The following CTNNA2 variants were observed in gnomAD, a reference collection of about 807,000 sequenced individuals.
CTNNA2 encodes the protein catenin alpha-2.
CTNNA2 carries 42 observed loss-of-function variants against 101.0 expected under a neutral mutation model. The observed-to-expected ratio is 0.42, with a 90% CI of 0.32 to 0.54. CTNNA2 has a LOEUF of 0.54. Ranked by LOEUF, CTNNA2 falls within the 20% of genes least tolerant of loss-of-function variation. The probability of loss-of-function intolerance (pLI) is 0.14; values close to 1 mark genes in which losing one functional copy is unlikely to be tolerated. For synonymous variants in CTNNA2, 450 were observed against 456.4 expected, an observed-to-expected ratio of 0.99 and a Z score of 0.18; for missense variants, 871 against 1,223.1, an observed-to-expected ratio of 0.71 and a Z score of 4.29.
intron 7 of CTNNA2, among the ~76,000 whole-genome samples, chr2:80,081,439 C>T (rs996416973): frequency 4.6e-5 from 7 of 151,968 alleles, no homozygotes; most frequent in South Asian, 2.1e-4. Context: ...AATCTATAAA[C>T]GCTGGGGTGG....
intron 4 of CTNNA2, among the ~76,000 whole-genome samples, chr2:79,442,429 CTA>C (rs1244424276): frequency 6.6e-6 from 1 of 152,134 alleles, no homozygotes; most frequent in African/African-American, 2.4e-5. Context: ...TGAAAGCTCC[CTA>C]TGTTTCTTTG....
intron 2 of CTNNA2, among the ~76,000 whole-genome samples, chr2:79,305,361 C>CAT (rs1210721281): frequency 1.3e-3 from 176 of 134,006 alleles, no homozygotes; most frequent in Non-Finnish European, 2.1e-3. Context: ...TACATATATA[C>CAT]ATATATATAC....
intron 2 of CTNNA2, among the ~76,000 whole-genome samples, chr2:79,720,761 T>G (rs1422988914): frequency 1.3e-5 from 2 of 152,124 alleles, no homozygotes; most frequent in Admixed American, 6.6e-5. Flanking sequence ...TGTTTATCAG[T>G]TCTAATAGCT....
chr2:80,539,325 TTG>T (rs1691328503), intron 9 of CTNNA2, among the ~76,000 whole-genome samples: 9 of 36,686 alleles, frequency 2.5e-4, no homozygotes, highest in South Asian at 1.3e-3. Flanking sequence ...TTTTTTTTTG[TTG>T]TTGTTGTTGT....
chr2:79,276,300 T>C (rs1255228037), intron 2 of CTNNA2, among the ~76,000 whole-genome samples: 1 of 152,096 alleles, frequency 6.6e-6, no homozygotes, highest in East Asian at 1.9e-4. Context: ...CCTTAGTCTG[T>C]TTGAGCTATC....
At chr2:80,538,318 G>T (rs956077876) in intron 9 of CTNNA2, among the ~76,000 whole-genome samples, 11 of 152,098 alleles carry the variant, frequency 7.2e-5, no homozygotes, top group Admixed American at 2.0e-4. Flanking sequence ...GTCCTGAATG[G>T]TATTGCCTAG....
intron 7 of CTNNA2, among the ~76,000 whole-genome samples, chr2:80,209,425 A>C (rs1707750210): frequency 6.6e-6 from 1 of 152,036 alleles, no homozygotes; most frequent in South Asian, 2.1e-4. Context: ...TCCTGACCTC[A>C]GGTGATCCGC....
chr2:79,919,420 C>A (rs897390864), intron 7 of CTNNA2, among the ~76,000 whole-genome samples: 1 of 152,218 alleles, frequency 6.6e-6, no homozygotes, highest in Non-Finnish European at 1.5e-5. Flanking sequence ...AAACTCCTTA[C>A]TGAGCCCTTG....
upstream of CTNNA2, among the ~76,000 whole-genome samples, chr2:79,510,898 A>G (rs1030509498): frequency 6.6e-6 from 1 of 151,742 alleles, no homozygotes; most frequent in Non-Finnish European, 1.5e-5. Context: ...CTTGGTTTAC[A>G]TTATTTTTCT....
intron 7 of CTNNA2, among the ~76,000 whole-genome samples, chr2:80,121,266 C>T (rs1364148885): frequency 6.6e-6 from 1 of 152,150 alleles, no homozygotes; most frequent in Non-Finnish European, 1.5e-5. Context: ...TTCAGCTCTA[C>T]CACTTATTAG....
At chr2:80,318,174 C>T (rs904896794) in intron 7 of CTNNA2, among the ~76,000 whole-genome samples, 1 of 152,122 alleles carries the variant, frequency 6.6e-6, no homozygotes, top group East Asian at 1.9e-4. Context: ...AGATAATAGT[C>T]TTTTCTTTGA....
intron 7 of CTNNA2, among the ~76,000 whole-genome samples, chr2:80,178,802 T>C (rs1705566415): frequency 6.6e-6 from 1 of 152,222 alleles, no homozygotes; most frequent in South Asian, 2.1e-4. Flanking sequence ...AGGAATATCT[T>C]GATAGGCCCC....
At chr2:79,819,810 T>A (rs1255464354) in intron 3 of CTNNA2, among the ~76,000 whole-genome samples, 2 of 152,140 alleles carry the variant, frequency 1.3e-5, no homozygotes, top group African/African-American at 4.8e-5. Flanking sequence ...AATTAGAATG[T>A]TCCTAACACA....
intron 4 of CTNNA2, among the ~76,000 whole-genome samples, chr2:79,381,074 T>A (rs574631939): frequency 6.6e-6 from 1 of 152,208 alleles, no homozygotes; most frequent in African/African-American, 2.4e-5. Context: ...AGATTGGTTA[T>A]GTCAATTAAT....
At chr2:79,413,323 C>G (rs1442768903) in intron 4 of CTNNA2, among the ~76,000 whole-genome samples, 1 of 151,926 alleles carries the variant, frequency 6.6e-6, no homozygotes, top group Non-Finnish European at 1.5e-5. Context: ...CTTTTTGTGC[C>G]TGTCTTATTT....
At chr2:80,110,770 T>C (rs1466180428) in intron 7 of CTNNA2, among the ~76,000 whole-genome samples, 3 of 152,176 alleles carry the variant, frequency 2.0e-5, no homozygotes, top group African/African-American at 7.2e-5. Flanking sequence ...GGAAGGTTGA[T>C]TGGAACTTGG....
chr2:79,661,598 G>A (rs1682041285), intron 2 of CTNNA2, among the ~76,000 whole-genome samples: 1 of 152,148 alleles, frequency 6.6e-6, no homozygotes, highest in African/African-American at 2.4e-5. Context: ...CACCCATAGG[G>A]GTGATCTAAG....
chr2:79,861,753 G>T (rs1681639937), intron 4 of CTNNA2, among the ~76,000 whole-genome samples: 1 of 152,192 alleles, frequency 6.6e-6, no homozygotes, highest in South Asian at 2.1e-4. Context: ...CAGGAGGATA[G>T]AGATAGAACA....
At chr2:80,641,855 C>T (rs893525393) in intron 18 of CTNNA2, among the ~76,000 whole-genome samples, 1 of 151,926 alleles carries the variant, frequency 6.6e-6, no homozygotes, top group African/African-American at 2.4e-5. Context: ...ATTTATTGAA[C>T]TTTTGTGTAT....
Sources: allele counts gnomAD v4.1 joint callset (sites outside exome capture counted in the v4.1 genomes callset), GRCh38; gene constraint gnomAD v4.1.1; transcripts MANE v1.5; gene names NCBI Gene and HGNC (gene_info 2026-07-23, HGNC 2026-07-21).